FANCC: variants seen among roughly 807,000 people sequenced by gnomAD.
FANCC encodes the protein FA complementation group C.
In FANCC, 55 loss-of-function variants were observed where a neutral mutation model predicts 71.3. The observed-to-expected ratio is 0.77, with a 90% confidence interval of 0.62 to 0.97. The LOEUF is 0.97. FANCC is among the 50% of genes least tolerant of loss of function. The probability of loss-of-function intolerance (pLI) is 0.00; values close to 1 mark genes in which losing one functional copy is unlikely to be tolerated. For missense variants in FANCC, 678 were observed against 670.9 expected (o/e 1.01, Z -0.12); for synonymous variants, 275 against 244.9 (o/e 1.12, Z -1.15).
At chr9:95,271,530 C>T (rs751350100) in intron 1 of FANCC, among the ~76,000 whole-genome samples, 2 of 152,118 alleles carry the variant, frequency 1.3e-5, no homozygotes, top group African/African-American at 2.4e-5. Context: ...GAAGGTGTCC[C>T]CAGAGGGAAT....
chr9:95,225,913 A>T (rs1464454256), intron 4 of FANCC, among the ~76,000 whole-genome samples: 1 of 152,206 alleles, frequency 6.6e-6, no homozygotes, highest in African/African-American at 2.4e-5. Flanking sequence ...CACTCCCACA[A>T]AACATGCACA....
intron 4 of FANCC, among the ~76,000 whole-genome samples, chr9:95,208,167 G>A (rs1030650348): frequency 7.6e-6 from 1 of 131,426 alleles, no homozygotes; most frequent in African/African-American, 2.9e-5. Context: ...GTGCAATCTC[G>A]GCTCACGGCA....
At position 95,199,045 on chromosome 9, in the gene FANCC, A is replaced by G. The variant is rs1246402328; in HGVS notation, c.346-26898T>C. On this transcript the variant is annotated intron_variant, in intron 4 of 14. Coordinates refer to ENST00000289081, the MANE Select transcript of FANCC (RefSeq NM_000136.3). ...CCTGACCTAGTTTTCTTTATATTGT[A>G]GTAAAGGCAATATATGAATTTTTTT... Among the ~76,000 whole-genome samples, 9 of 152,160 alleles carry G rather than the reference A, an allele frequency of 5.9e-5. No individual in the cohort carries two copies. The East Asian group carries it at 9.6e-4, about 16-fold the overall frequency.
At chr9:95,298,796 T>C (rs1263528996) in intron 1 of FANCC, among the ~76,000 whole-genome samples, 3 of 152,344 alleles carry the variant, frequency 2.0e-5, no homozygotes, top group Non-Finnish European at 2.9e-5. Context: ...ATTGTTCTAG[T>C]TTTATTTAGT....
At chr9:95,168,707 T>A (rs916289689) in intron 6 of FANCC, among the ~76,000 whole-genome samples, 1 of 152,150 alleles carries the variant, frequency 6.6e-6, no homozygotes, top group Non-Finnish European at 1.5e-5. Context: ...ATTTGTACTT[T>A]TAGTAGAGAT....
At chr9:95,227,484 GT>G (rs1829691752) in intron 4 of FANCC, among the ~76,000 whole-genome samples, 1 of 152,122 alleles carries the variant, frequency 6.6e-6, no homozygotes. Context: ...TTCTCAACTA[GT>G]TCCTAAGACA....
intron 10 of FANCC, among the ~76,000 whole-genome samples, chr9:95,120,660 TCAAG>T (rs1203873687): frequency 1.3e-5 from 2 of 152,136 alleles, no homozygotes; most frequent in Non-Finnish European, 2.9e-5. Context: ...ACTCCTGGAC[TCAAG>T]CAATCCTCCC....
At chr9:95,287,911 A>C (rs1239177703) in intron 1 of FANCC, among the ~76,000 whole-genome samples, 2 of 152,180 alleles carry the variant, frequency 1.3e-5, no homozygotes, top group Non-Finnish European at 2.9e-5. Flanking sequence ...ATCCAAGATA[A>C]GGAATTTGGT....
At chr9:95,248,924 C>T (rs1312476280) in intron 2 of FANCC, among the ~76,000 whole-genome samples, 1 of 152,058 alleles carries the variant, frequency 6.6e-6, no homozygotes, top group Non-Finnish European at 1.5e-5. Flanking sequence ...TGTCATGTAA[C>T]AATACAGCTA....
rs1275598536 is a variant in FANCC, at chr9:95,213,314, TA to T, written c.345+27334del. Among the ~76,000 whole-genome samples the T allele has an allele frequency of 2.6e-5, 4 of 151,786 alleles. No individual in the cohort carries two copies. In the East Asian group the frequency reaches 7.8e-4, roughly 29 times the overall value. The stretch of plus-strand genomic sequence containing the variant: ...AAAAAGTAGAGATGAAAGGAAACAG[TA>T]AAAACCATCAATCAAAAGAGTTAGA... On this transcript the variant is annotated intron_variant, in intron 4 of 14. Coordinates refer to ENST00000289081, the MANE Select transcript of FANCC (RefSeq NM_000136.3).
At chr9:95,293,600 C>G in intron 1 of FANCC, 1 of 1,614,188 alleles carries the variant, frequency 6.2e-7, no homozygotes, top group East Asian at 2.2e-5. Context: ...TGTCTTATGC[C>G]TCACAAAACT....
rs1331431112 is a variant in FANCC, at chr9:95,126,751, G to A, written c.844-170C>T. The A allele has an allele frequency of 4.5e-6, 3 of 663,034 alleles. No homozygotes were observed. In the South Asian group the frequency reaches 5.1e-5, roughly 11 times the overall value. The allele number at this position is 663,034 out of a possible 1,614,324, so 41.1% of individuals were successfully genotyped here. A position where few individuals can be genotyped will look rare whatever the true frequency, so the allele number is the denominator to read the frequency against. The stretch of plus-strand genomic sequence containing the variant: ...TGTACTGAAAACGCCCCACATACAA[G>A]TGCATACGGTGGTCTCCCTGGGCAG... On this transcript the variant is annotated intron_variant, in intron 8 of 14. Coordinates refer to ENST00000289081, the MANE Select transcript of FANCC (RefSeq NM_000136.3).
chr9:95,190,113 T>A (rs1413929234), intron 4 of FANCC, among the ~76,000 whole-genome samples: 1 of 152,062 alleles, frequency 6.6e-6, no homozygotes, highest in Non-Finnish European at 1.5e-5. Flanking sequence ...AGCAAGAAAC[T>A]CACTCATCTC....
intron 7 of FANCC, among the ~76,000 whole-genome samples, chr9:95,144,838 A>G (rs1829307198): frequency 6.6e-6 from 1 of 152,176 alleles, no homozygotes; most frequent in Admixed American, 6.5e-5. Flanking sequence ...CACTGTAAGG[A>G]AAGAATCGAG....
At chr9:95,191,793 CA>C (rs1827133322) in intron 4 of FANCC, among the ~76,000 whole-genome samples, 3 of 152,148 alleles carry the variant, frequency 2.0e-5, no homozygotes. Context: ...AGCCCATCTG[CA>C]AGTCCTGCCA....
chr9:95,225,646 ATAGATGTCT>A (rs1829568359), intron 4 of FANCC, among the ~76,000 whole-genome samples: 1 of 152,262 alleles, frequency 6.6e-6, no homozygotes, highest in Non-Finnish European at 1.5e-5. Context: ...CTAATTGGCA[ATAGATGTCT>A]TGATCTGGCC....
chr9:95,110,275 T>C, intron 13 of FANCC: 3 of 1,011,310 alleles, frequency 3.0e-6, no homozygotes, highest in Non-Finnish European at 3.6e-6. Context: ...AGTGATTCTC[T>C]GTCAGTAACC....
chr9:95,245,676 C>T (rs1588346862), intron 3 of FANCC, among the ~76,000 whole-genome samples: 2 of 151,950 alleles, frequency 1.3e-5, no homozygotes, highest in South Asian at 2.1e-4. Flanking sequence ...GCGGGTGAAT[C>T]GCCTGAGGTC....
In FANCC at chr9:95,296,493, C is replaced by T. The variant is rs1834383718; in HGVS notation, c.-79+21033G>A. Among the ~76,000 whole-genome samples, 5 of 146,892 alleles carry T rather than the reference C, an allele frequency of 3.4e-5. No individual in the cohort carries two copies. In the South Asian group the frequency reaches 1.1e-3, roughly 33 times the overall value. On this transcript the variant is annotated intron_variant, in intron 1 of 14. Coordinates refer to ENST00000289081, the MANE Select transcript of FANCC (RefSeq NM_000136.3). ...ATGTTCCCATACCAAATCCACAGAG[C>T]TTTGTTAGGCTTTTTTTTTTAATCT...
Sources: gnomAD v4.1 joint callset for allele counts (sites outside exome capture counted in the v4.1 genomes callset) on GRCh38, gnomAD v4.1.1 for gene constraint, MANE v1.5 for transcripts, NCBI Gene and HGNC (gene_info 2026-07-23, HGNC 2026-07-21) for gene names.